Variants in ZNF841 observed in about 807,000 individuals in gnomAD.
ZNF841 encodes zinc finger protein 841.
In ZNF841, 11 loss-of-function variants were observed where a neutral mutation model predicts 13.0. The ratio of observed to expected loss-of-function variants is 0.85; its 90% CI spans 0.53 to 1.40. The LOEUF is 1.40. Ranked by LOEUF, ZNF841 falls within the 40% of genes most tolerant of loss-of-function variation. The pLI is 0.00. For synonymous variants in ZNF841, 369 were observed against 381.6 expected (o/e 0.97, Z 0.38); for missense variants, 1,068 against 1,139.5 (o/e 0.94, Z 0.90).
At chr19:52,063,154 C>T (rs1239482612), downstream of ZNF841, among the ~76,000 whole-genome samples, 2 of 151,682 alleles carry the variant, frequency 1.3e-5, no homozygotes, top group South Asian at 2.1e-4. Flanking sequence ...GGATTACAGG[C>T]GTGAGCCACC....
chr19:52,065,496 T>A lies in ZNF841; in HGVS notation c.2386A>T (p.Asn796Tyr). ...ACTCTAAAGGCTTTGCCACACTCAT[T>A]ACATTTGTAAGGTTTCTCTCCAGTA... ...IHTGEKPYKCNECGKAFRVRS... is the reference protein window; with the variant it reads ...IHTGEKPYKCYECGKAFRVRS... The change falls in exon 7 of 7, where the codon AAT becomes TAT. Residue 796 changes from asparagine to tyrosine, a missense_variant. Asn to Tyr is a moderately radical substitution (Grantham distance 143, BLOSUM62 -2). Coordinates refer to ENST00000594440, the MANE Select transcript of ZNF841 (RefSeq NM_001136499.2). 6.2e-7 allele frequency: 1 copy of A among 1,613,968 alleles called. No individual in the cohort carries two copies. Among genetic ancestry groups the A allele is most frequent in the Non-Finnish European group, 8.5e-7 (1 of 1,179,986 alleles).
At chr19:52,064,352 CCAAAA>C (rs2087463177), downstream of ZNF841, 10 of 48,966 alleles carry the variant, frequency 2.0e-4, no homozygotes, top group South Asian at 5.7e-4. Context: ...GACTCCGTCT[CCAAAA>C]AAAAAAAAAA....
Position 52,074,523 on chromosome 19 carries a change from A to AT in ZNF841, c.271+1520dup, listed in dbSNP as rs966794469. Among the ~76,000 whole-genome samples, 182 of 148,686 alleles carry AT rather than the reference A, an allele frequency of 1.2e-3. 1 individual carries two copies. The highest frequency in any genetic ancestry group is 7.7e-3 in the South Asian group (36 of 4,666). ...CTGGACAATGTTCTTCCCGGGAGAA[A>AT]TTTTTTTTTTTGAGACAAAGTCTCG... On this transcript the variant is annotated intron_variant, in intron 6 of 6. Transcript: ENST00000594440.
intron 4 of ZNF841, among the ~76,000 whole-genome samples, chr19:52,083,347 G>GA (rs1568545732): frequency 6.7e-6 from 1 of 150,012 alleles, no homozygotes; most frequent in Admixed American, 6.7e-5. Context: ...CTATTTTGGT[G>GA]AATCTGGCAA....
rs537742872 is a variant in ZNF841 at position 52,086,322 on chromosome 19, C to CT, written c.-77-1445dup. ...TTTCACACCACCCCTTGGTGCTGTT[C>CT]TTATCATAGTGAGTTCTCACGACAT... On this transcript the variant is annotated intron_variant, in intron 3 of 6. Coordinates refer to ENST00000594440, the MANE Select transcript of ZNF841 (RefSeq NM_001136499.2). Among the ~76,000 whole-genome samples, 1,228 of 152,208 alleles carry CT rather than the reference C, an allele frequency of 8.1e-3. 7 individuals carry two copies. The highest frequency in any genetic ancestry group is 0.011 in the East Asian group (55 of 5,170).
Position 52,065,751 on chromosome 19 carries a change from A to C in ZNF841, c.2131T>G (p.Cys711Gly). 2 of 1,608,218 alleles carry C rather than the reference A, an allele frequency of 1.2e-6. No homozygotes were observed. Among genetic ancestry groups the C allele is most frequent in the Non-Finnish European group, 1.7e-6 (2 of 1,176,822 alleles). The change falls in exon 7 of 7, where the codon TGT becomes GGT. Residue 711 changes from cysteine to glycine, a missense_variant. Physicochemically the swap from Cys to Gly is radical, Grantham distance 159. Transcript: ENST00000594440. ...CTAAAAGTTCTACCACATTCACTAC[A>C]TTTGTGTGGTTTCTCCCCAGTAGGA... ...RNPTGEKPHK[C>G]SECGRTFSHK...
chr19:52,079,453 A>AC (rs887473825), intron 4 of ZNF841, among the ~76,000 whole-genome samples: 16 of 145,022 alleles, frequency 1.1e-4, no homozygotes, highest in African/African-American at 4.1e-4. Context: ...AAAAAAAAAA[A>AC]CCCAAAAACT....
rs549936250 is a variant in ZNF841 at position 52,065,209 on chromosome 19, G to A, written c.2673C>T (p.Gly891=). ...ECGKSYISRS[G]LTKHQIKHAG... ...CATGTTTTATCTGATGTTTAGTGAG[G>A]CCTGAGCGACTAATGTAAGATTTGC... The change falls in exon 7 of 7, where the codon GGC becomes GGT. Residue 891 remains glycine (G), a synonymous_variant. Transcript: ENST00000594440. 2.5e-6 allele frequency: 4 copies of A among 1,611,918 alleles called. No homozygotes were observed. The highest frequency in any genetic ancestry group is 2.2e-5 in the East Asian group (1 of 44,890).
chr19:52,084,661 G>A, intron 4 of ZNF841, 126 bp downstream of exon 4: 1 of 979,276 alleles, frequency 1.0e-6, no homozygotes, highest in Non-Finnish European at 1.6e-6. Context: ...ACTGAAGGAA[G>A]GCATGGGTGA....
chr19:52,093,382 C>A (rs888793459), intron 2 of ZNF841, among the ~76,000 whole-genome samples: 1 of 152,108 alleles, frequency 6.6e-6, no homozygotes, highest in Non-Finnish European at 1.5e-5. Context: ...AAGACAATTA[C>A]TGTATGACCT....
At chr19:52,083,130 C>G (rs1264164429) in intron 4 of ZNF841, among the ~76,000 whole-genome samples, 4 of 151,042 alleles carry the variant, frequency 2.6e-5, no homozygotes, top group Admixed American at 1.3e-4. Context: ...TACAGCAGAA[C>G]ATTCACTTAA....
chr19:52,070,522 T>C (rs773730742), intron 6 of ZNF841, among the ~76,000 whole-genome samples: 5 of 152,312 alleles, frequency 3.3e-5, no homozygotes, highest in East Asian at 1.9e-4. Flanking sequence ...GATATGGCAG[T>C]AGATAACCCT....
At position 52,066,456 on chromosome 19, in the gene ZNF841, G is replaced by A. The variant is rs192036158; in HGVS notation, c.1426C>T (p.Arg476Trp). 136 of 1,613,708 alleles carry A rather than the reference G, an allele frequency of 8.4e-5. 2 individuals are homozygous for A. The South Asian group carries it at 8.7e-4, about 10-fold the overall frequency. ...GGTTTCTCTCCAGTATGAATTCTCC[G>A]GTGCCCTGCAAGACGTGAACGTTGA... ...FFQRSRLAGH[R>W]RIHTGEKPYK... The change falls in exon 7 of 7, where the codon CGG becomes TGG. Residue 476 changes from arginine to tryptophan, a missense_variant. Coordinates refer to ENST00000594440, the MANE Select transcript of ZNF841 (RefSeq NM_001136499.2).
intron 5 of ZNF841, 120 bp from the exon 6 acceptor site, chr19:52,076,292 A>AT: frequency 8.0e-7 from 1 of 1,244,560 alleles, no homozygotes; most frequent in South Asian, 1.5e-5. Flanking sequence ...TCATCCATTG[A>AT]TTGCCTCCTT....
intron 4 of ZNF841, among the ~76,000 whole-genome samples, chr19:52,080,573 C>T (rs754032728): frequency 5.9e-4 from 90 of 152,160 alleles, no homozygotes; most frequent in Non-Finnish European, 8.4e-4. Flanking sequence ...AATATAAGCA[C>T]TGACAAGAAC....
chr19:52,067,055 A>T lies in ZNF841; in HGVS notation c.827T>A (p.Leu276His). Residue 276 changes from leucine (L) to histidine (H), a missense_variant, in exon 7 of 7, where the codon CTT becomes CAT. Transcript: ENST00000594440. ...AGTATGTATCATCTGATGATTAATAAGACTTGAAGACACTCTGAAGGCTTT... is the reference window on the plus strand; with the variant it reads ...AGTATGTATCATCTGATGATTAATATGACTTGAAGACACTCTGAAGGCTTT... ...CGKAFRVSSS[L>H]INHQMIHTTE... The T allele has an allele frequency of 3.1e-6, 5 of 1,611,526 alleles. No homozygotes were observed. The highest frequency in any genetic ancestry group is 4.2e-6 in the Non-Finnish European group (5 of 1,178,490).
intron 2 of ZNF841, among the ~76,000 whole-genome samples, chr19:52,093,546 T>C (rs2088575044): frequency 6.6e-6 from 1 of 152,208 alleles, no homozygotes; most frequent in African/African-American, 2.4e-5. Context: ...ATGTACACCA[T>C]GGTGACTATA....
chr19:52,063,410 C>T (rs985336178), downstream of ZNF841, among the ~76,000 whole-genome samples: 8 of 151,964 alleles, frequency 5.3e-5, no homozygotes, highest in South Asian at 2.1e-4. Context: ...AGTACAATGG[C>T]GCAATCTCGG....
downstream of ZNF841, chr19:52,064,381 A>AAC (rs1555778943): frequency 8.6e-3 from 1,171 of 136,026 alleles, 75 homozygotes; most frequent in African/African-American, 0.038. Flanking sequence ...AAAAAAAAAA[A>AAC]AAAAAAAACT....
Sources: allele counts gnomAD v4.1 joint callset (sites outside exome capture counted in the v4.1 genomes callset), GRCh38; gene constraint gnomAD v4.1.1; transcripts MANE v1.5; gene names NCBI Gene and HGNC (gene_info 2026-07-23, HGNC 2026-07-21).